Variants in PDCD4 observed in about 807,000 individuals in gnomAD.
PDCD4 encodes the protein programmed cell death protein 4.
A neutral mutation model predicts 54.0 loss-of-function variants in PDCD4; 56 were observed. That is an observed-to-expected ratio of 1.04 (90% CI 0.84 to 1.30). PDCD4 has a LOEUF of 1.30. Among genes scored for constraint, PDCD4 ranks in the 50% most tolerant of loss-of-function variants. The pLI, the probability that PDCD4 is intolerant of heterozygous loss-of-function variation, is 0.00. For synonymous variants in PDCD4, 186 were observed against 194.8 expected (o/e 0.95, Z 0.37); for missense variants, 584 against 559.8 (o/e 1.04, Z -0.44).
At chr10:110,896,222 G>A in intron 11 of PDCD4, 135 bp downstream of exon 11, 1 of 659,374 alleles carries the variant, frequency 1.5e-6, no homozygotes, top group Non-Finnish European at 2.5e-6. Flanking sequence ...GAGAAAGAAG[G>A]GCGAAGCTTG....
intron 1 of PDCD4, among the ~76,000 whole-genome samples, chr10:110,874,665 G>A (rs1481180092): frequency 1.3e-5 from 2 of 152,090 alleles, no homozygotes; most frequent in African/African-American, 4.8e-5. Context: ...TAGCATATTA[G>A]TCTGAGGATT....
intron 6 of PDCD4, among the ~76,000 whole-genome samples, chr10:110,888,882 A>G (rs978775272): frequency 6.6e-6 from 1 of 152,104 alleles, no homozygotes; most frequent in African/African-American, 2.4e-5. Flanking sequence ...TCCACAAGAT[A>G]AATTCCTTTG....
chr10:110,873,392 C>T (rs763703680), intron 1 of PDCD4, among the ~76,000 whole-genome samples: 1 of 152,176 alleles, frequency 6.6e-6, no homozygotes, highest in East Asian at 1.9e-4. Context: ...GCTTGACTCC[C>T]CAAAATGCCA....
At chr10:110,884,657 T>G (rs940905830) in intron 4 of PDCD4, 8 of 152,072 alleles carry the variant, frequency 5.3e-5, no homozygotes. Context: ...GACATAAAAA[T>G]TTTGAGAGAA....
intron 2 of PDCD4, chr10:110,876,760 A>T: frequency 9.8e-7 from 1 of 1,024,490 alleles, no homozygotes; most frequent in Non-Finnish European, 1.4e-6. Flanking sequence ...AAATGTGAGT[A>T]ACTCAAGATA....
rs1350490467 is a variant in PDCD4 at position 110,894,523 on chromosome 10, G to GT, written c.1209+2dup. 1 of 1,238,906 alleles carries GT rather than the reference G, an allele frequency of 8.1e-7. No individual in the cohort carries two copies. Among genetic ancestry groups the GT allele is most frequent in the Non-Finnish European group, 1.2e-6 (1 of 846,546 alleles). The allele number at this position is 1,238,906 out of a possible 1,614,324, so 76.7% of individuals were successfully genotyped here. A position where few individuals can be genotyped will look rare whatever the true frequency, so the allele number is the denominator to read the frequency against. On this transcript the variant is annotated splice_donor_variant, in intron 10 of 11. Coordinates refer to ENST00000280154, the MANE Select transcript of PDCD4 (RefSeq NM_014456.5). LOFTEE classifies it high-confidence loss of function. ...CATTACTGTAGACCAAATGAAAAGA[G>GT]TAAGTATAACATTGTTTTTGAACAA...
chr10:110,876,703 A>T, intron 2 of PDCD4: 3 of 1,284,834 alleles, frequency 2.3e-6, no homozygotes. Context: ...GTGCTTCAAT[A>T]GCATGTTATT....
intron 2 of PDCD4, 33 bp from the exon 3 acceptor site, chr10:110,881,200 C>G: frequency 6.6e-7 from 1 of 1,522,548 alleles, no homozygotes; most frequent in Non-Finnish European, 9.0e-7. Context: ...ACTTAAAATA[C>G]TTAGAATTTT....
chr10:110,890,815 T>G, intron 8 of PDCD4, 145 bp downstream of exon 8: 1 of 452,468 alleles, frequency 2.2e-6, no homozygotes, highest in Non-Finnish European at 4.0e-6. Context: ...TTTTTTAATA[T>G]GTGGCTTTAT....
chr10:110,888,758 C>T (rs1462834873), intron 6 of PDCD4, among the ~76,000 whole-genome samples: 3 of 152,000 alleles, frequency 2.0e-5, no homozygotes, highest in African/African-American at 4.8e-5. Flanking sequence ...CATAGTATAC[C>T]ATTTTATGTG....
intron 3 of PDCD4, 118 bp from the exon 4 acceptor site, chr10:110,882,885 C>CT: frequency 1.5e-6 from 1 of 654,982 alleles, no homozygotes; most frequent in Non-Finnish European, 2.6e-6. Context: ...TGGAAAAAAA[C>CT]TAACACGTTA....
Position 110,881,474 on chromosome 10 carries a change from A to G in PDCD4, c.285A>G (p.Pro95=), listed in dbSNP as rs1431810678. The change falls in exon 3 of 12, where the codon CCA becomes CCG. Residue 95 remains proline, a synonymous_variant. Transcript: ENST00000280154. ...LRSGLTVPTS[P]KGRLLDRRSR... ...GTGGATTAACTGTGCCAACCAGTCC[A>G]AAGGGAAGGTTGCTGGATAGGCGAT... 1 of 1,614,186 alleles carries G rather than the reference A, an allele frequency of 6.2e-7. No individual in the cohort carries two copies. Among genetic ancestry groups the G allele is most frequent in the African/African-American group, 1.3e-5 (1 of 75,068 alleles).
intron 2 of PDCD4, among the ~76,000 whole-genome samples, chr10:110,879,559 A>G (rs995558677): frequency 4.6e-5 from 7 of 151,754 alleles, no homozygotes; most frequent in Non-Finnish European, 1.0e-4. Flanking sequence ...CAGCTGGGGC[A>G]GGAGAATGGC....
intron 2 of PDCD4, 41 bp from the exon 3 acceptor site, chr10:110,881,192 T>G: frequency 6.7e-7 from 1 of 1,483,678 alleles, no homozygotes; most frequent in Non-Finnish European, 9.3e-7. Flanking sequence ...CAGTAGATAC[T>G]TAAAATACTT....
At chr10:110,878,087 A>G (rs1216551490) in intron 2 of PDCD4, among the ~76,000 whole-genome samples, 1 of 152,226 alleles carries the variant, frequency 6.6e-6, no homozygotes, top group East Asian at 1.9e-4. Flanking sequence ...AGTACACAGT[A>G]GGAAACAATT....
At chr10:110,877,739 T>A (rs1196625093) in intron 2 of PDCD4, among the ~76,000 whole-genome samples, 1 of 152,204 alleles carries the variant, frequency 6.6e-6, no homozygotes, top group East Asian at 1.9e-4. Flanking sequence ...TAGACCCTCT[T>A]TGTAGTAAAT....
intron 2 of PDCD4, among the ~76,000 whole-genome samples, chr10:110,876,347 A>G (rs543900403): frequency 6.6e-6 from 1 of 152,326 alleles, no homozygotes; most frequent in African/African-American, 2.4e-5. Flanking sequence ...AGGAAGCTTC[A>G]GACCATTCCA....
At chr10:110,876,746 G>T in intron 2 of PDCD4, 2 of 1,189,948 alleles carry the variant, frequency 1.7e-6, no homozygotes, top group South Asian at 3.9e-5. Flanking sequence ...TGGAATAGAT[G>T]ACCAAATGTG....
intron 2 of PDCD4, among the ~76,000 whole-genome samples, chr10:110,877,964 T>C (rs1845532538): frequency 6.6e-6 from 1 of 152,224 alleles, no homozygotes; most frequent in Non-Finnish European, 1.5e-5. Context: ...AATGTTATTC[T>C]AATTATGCCA....
Sources: gnomAD v4.1 joint callset for allele counts (sites outside exome capture counted in the v4.1 genomes callset) on GRCh38, gnomAD v4.1.1 for gene constraint, MANE v1.5 for transcripts, NCBI Gene and HGNC (gene_info 2026-07-23, HGNC 2026-07-21) for gene names.